FER: variants seen among roughly 807,000 people sequenced by gnomAD.
FER encodes tyrosine-protein kinase Fer.
Under a neutral mutation model 111.0 loss-of-function variants are expected in FER, and 63 were observed. The observed-to-expected ratio is 0.57, with a 90% CI of 0.46 to 0.70. The LOEUF is 0.70. Among genes scored for constraint, FER ranks in the 30% least tolerant of loss-of-function variants. The pLI, the probability that FER is intolerant of heterozygous loss-of-function variation, is 0.00. For synonymous variants in FER, 327 were observed against 313.9 expected, an observed-to-expected ratio of 1.04 and a Z score of -0.44; for missense variants, 914 against 954.0, an observed-to-expected ratio of 0.96 and a Z score of 0.55.
chr5:109,161,043 A>G (rs1013896278), intron 17 of FER, among the ~76,000 whole-genome samples: 1 of 152,156 alleles, frequency 6.6e-6, no homozygotes, highest in Non-Finnish European at 1.5e-5. Flanking sequence ...TACTTGTCAT[A>G]CATAAACACT....
chr5:108,845,686 T>C (rs1761964975), intron 5 of FER, among the ~76,000 whole-genome samples: 1 of 152,158 alleles, frequency 6.6e-6, no homozygotes, highest in Non-Finnish European at 1.5e-5. Context: ...GCAAACAATG[T>C]TGGCTTGCCT....
At chr5:109,048,338 G>A (rs1021954091) in intron 16 of FER, among the ~76,000 whole-genome samples, 12 of 152,070 alleles carry the variant, frequency 7.9e-5, no homozygotes, top group Admixed American at 7.9e-4. Flanking sequence ...TAAGTACATT[G>A]TATGTTTTAA....
At chr5:108,969,412 C>CA (rs1446028330) in intron 13 of FER, among the ~76,000 whole-genome samples, 1 of 151,952 alleles carries the variant, frequency 6.6e-6, no homozygotes, top group Non-Finnish European at 1.5e-5. Context: ...AACTAAGCTG[C>CA]AAACAGTTTA....
chr5:108,957,196 A>G (rs948683666), intron 12 of FER, among the ~76,000 whole-genome samples: 1 of 151,632 alleles, frequency 6.6e-6, no homozygotes, highest in African/African-American at 2.4e-5. Flanking sequence ...ACGTGAAATT[A>G]AATAAACCAA....
intron 16 of FER, among the ~76,000 whole-genome samples, chr5:109,060,168 G>A (rs551476375): frequency 3.9e-5 from 6 of 152,136 alleles, no homozygotes; most frequent in Admixed American, 3.9e-4. Flanking sequence ...TGTAGATGGG[G>A]ATAGACAATA....
chr5:109,051,664 G>A (rs1312407261), intron 16 of FER: 2 of 1,573,546 alleles, frequency 1.3e-6, no homozygotes, highest in African/African-American at 2.7e-5. Context: ...ATTGAAATAA[G>A]CATATTTTTG....
chr5:108,953,270 C>T (rs1758003120), intron 11 of FER, among the ~76,000 whole-genome samples: 1 of 151,554 alleles, frequency 6.6e-6, no homozygotes. Context: ...TAAAATTGCT[C>T]TTTAAAACAA....
intron 9 of FER, among the ~76,000 whole-genome samples, chr5:108,889,057 C>T (rs757501001): frequency 2.6e-4 from 39 of 151,834 alleles, no homozygotes; most frequent in Non-Finnish European, 4.6e-4. Context: ...AAAGACCTTC[C>T]TCCAAAACAG....
At chr5:108,863,848 ATTATC>A (rs2150223763) in intron 5 of FER, among the ~76,000 whole-genome samples, 1 of 152,274 alleles carries the variant, frequency 6.6e-6, no homozygotes, top group African/African-American at 2.4e-5. Flanking sequence ...CATAAAATAT[ATTATC>A]TTGTGGGTGG....
At chr5:109,066,249 C>G (rs1435289022) in intron 16 of FER, among the ~76,000 whole-genome samples, 1 of 152,074 alleles carries the variant, frequency 6.6e-6, no homozygotes, top group Non-Finnish European at 1.5e-5. Context: ...TATTTTCTAT[C>G]TTGGGTGCTA....
At chr5:108,767,664 T>C (rs544781654) in intron 1 of FER, among the ~76,000 whole-genome samples, 128 of 152,200 alleles carry the variant, frequency 8.4e-4, no homozygotes, top group Non-Finnish European at 1.6e-3. Context: ...TTTAAACTTA[T>C]AGAGACTAGG....
intron 16 of FER, chr5:109,051,574 G>A: frequency 6.2e-7 from 1 of 1,609,338 alleles, no homozygotes; most frequent in Non-Finnish European, 8.5e-7. Context: ...GCGGCAAGAA[G>A]AATTGTTTCT....
intron 5 of FER, among the ~76,000 whole-genome samples, chr5:108,843,668 A>G (rs1479424394): frequency 6.6e-6 from 1 of 151,360 alleles, no homozygotes; most frequent in African/African-American, 2.4e-5. Flanking sequence ...AGCTGGGGCT[A>G]CAGGTGTGCG....
chr5:109,018,339 C>G (rs192513675), intron 13 of FER, among the ~76,000 whole-genome samples: 2 of 151,692 alleles, frequency 1.3e-5, no homozygotes, highest in Non-Finnish European at 3.0e-5. Flanking sequence ...TAAAGATTTG[C>G]GACTGATAAC....
chr5:108,858,766 A>ATTTTTTTTTTT (rs75243334), intron 5 of FER, among the ~76,000 whole-genome samples: 1 of 124,730 alleles, frequency 8.0e-6, no homozygotes, highest in Non-Finnish European at 1.7e-5. Context: ...CAGTTTTTTC[A>ATTTTTTTTTTT]TTTTTTTTTT....
chr5:108,924,767 C>T (rs1386872596), intron 10 of FER: 1 of 1,231,956 alleles, frequency 8.1e-7, no homozygotes, highest in Non-Finnish European at 1.0e-6. Context: ...GAGCCTTCCA[C>T]ATCAGAAGTC....
At chr5:108,897,555 G>T (rs1425051713) in intron 9 of FER, 104 bp from the exon 10 acceptor site, 14 of 783,328 alleles carry the variant, frequency 1.8e-5, no homozygotes, top group South Asian at 3.5e-5. Flanking sequence ...ATTCTAAAGG[G>T]CTCTTATAAA....
intron 17 of FER, among the ~76,000 whole-genome samples, chr5:109,123,201 G>A (rs1582134455): frequency 7.1e-6 from 1 of 139,880 alleles, no homozygotes; most frequent in Non-Finnish European, 1.5e-5. Flanking sequence ...TGTCGCCCAG[G>A]CTGTAGTGCA....
At chr5:109,002,005 C>T (rs1370067772) in intron 13 of FER, among the ~76,000 whole-genome samples, 2 of 152,002 alleles carry the variant, frequency 1.3e-5, no homozygotes, top group African/African-American at 2.4e-5. Flanking sequence ...ATTCCATGCT[C>T]ATGGGTAGGA....
Sources: gnomAD v4.1 joint callset for allele counts (sites outside exome capture counted in the v4.1 genomes callset) on GRCh38, gnomAD v4.1.1 for gene constraint, MANE v1.5 for transcripts, NCBI Gene and HGNC (gene_info 2026-07-23, HGNC 2026-07-21) for gene names.